MGAT4C: variants seen among roughly 807,000 people sequenced by gnomAD.
The protein encoded by MGAT4C is MGAT4 family member C.
In MGAT4C, 19 loss-of-function variants were observed where a neutral mutation model predicts 40.1. The ratio of observed to expected loss-of-function variants is 0.47; its 90% confidence interval spans 0.33 to 0.70. The LOEUF is 0.70. Among genes scored for constraint, MGAT4C ranks in the 30% least tolerant of loss-of-function variants. The probability of loss-of-function intolerance (pLI) is 0.02; values close to 1 mark genes in which losing one functional copy is unlikely to be tolerated. For missense variants in MGAT4C, 491 were observed against 563.2 expected (o/e 0.87, Z 1.30); for synonymous variants, 181 against 187.1 (o/e 0.97, Z 0.27).
At chr12:86,783,920 A>C (rs1416865945) in intron 1 of MGAT4C, among the ~76,000 whole-genome samples, 6 of 152,140 alleles carry the variant, frequency 3.9e-5, no homozygotes, top group African/African-American at 1.4e-4. Flanking sequence ...CTTCCTTATA[A>C]TACAGAAGGA....
At chr12:86,083,473 C>A (rs1871221693) in intron 1 of MGAT4C, among the ~76,000 whole-genome samples, 1 of 152,094 alleles carries the variant, frequency 6.6e-6, no homozygotes, top group Non-Finnish European at 1.5e-5. Flanking sequence ...CTGCCCCTCT[C>A]TACTGTCCTT....
At chr12:86,157,557 G>T (rs1566065947) in intron 1 of MGAT4C, among the ~76,000 whole-genome samples, 1 of 151,892 alleles carries the variant, frequency 6.6e-6, no homozygotes, top group East Asian at 1.9e-4. Context: ...TTATTAGTCA[G>T]TTTTTACACT....
intron 1 of MGAT4C, among the ~76,000 whole-genome samples, chr12:86,776,522 C>G (rs1288881164): frequency 6.6e-6 from 1 of 151,858 alleles, no homozygotes; most frequent in Admixed American, 6.6e-5. Context: ...AACTAAACAG[C>G]CTTTTGAGAG....
intron 1 of MGAT4C, among the ~76,000 whole-genome samples, chr12:86,814,555 A>G (rs998167579): frequency 2.6e-5 from 4 of 151,680 alleles, no homozygotes; most frequent in African/African-American, 9.7e-5. Flanking sequence ...ATTAATTCCA[A>G]TTCTCTTATA....
intron 1 of MGAT4C, among the ~76,000 whole-genome samples, chr12:86,754,921 G>A (rs1009549307): frequency 6.6e-6 from 1 of 151,866 alleles, no homozygotes; most frequent in Non-Finnish European, 1.5e-5. Flanking sequence ...TATTCAATCA[G>A]ACTTTAGTTT....
intron 3 of MGAT4C, among the ~76,000 whole-genome samples, chr12:86,417,183 G>A (rs968396311): frequency 2.6e-5 from 4 of 151,888 alleles, no homozygotes; most frequent in African/African-American, 9.7e-5. Flanking sequence ...AAATTGGTTG[G>A]TTTATGAGAT....
chr12:86,429,779 G>A (rs1375767137), intron 3 of MGAT4C, among the ~76,000 whole-genome samples: 1 of 152,064 alleles, frequency 6.6e-6, no homozygotes. Flanking sequence ...GAATTTGATT[G>A]AAGACCTTCA....
At position 86,374,131 on chromosome 12, in the gene MGAT4C, GC is replaced by G; in HGVS notation, c.-119-40005del. Among the ~76,000 whole-genome samples the G allele has an allele frequency of 1.3e-5, 2 of 151,964 alleles. 1 individual carries two copies. Among genetic ancestry groups the G allele is most frequent in the East Asian group, 3.9e-4 (2 of 5,190 alleles). On this transcript the variant is annotated intron_variant, in intron 3 of 7. Coordinates refer to the MGAT4C transcript ENST00000548651. ...GTGGAAAATGGTAGAAAAGTCATGA[GC>G]AAAAACAGACATGAAAAAAATGAGA...
At chr12:86,630,897 A>T (rs11614366) in intron 2 of MGAT4C, among the ~76,000 whole-genome samples, 20,377 of 152,102 alleles carry the variant, frequency 0.13, 2,151 homozygotes, top group African/African-American at 0.3. Flanking sequence ...TTGGAAGTTC[A>T]GGCCGGGGCA....
At chr12:86,469,316 A>G in intron 2 of MGAT4C, among the ~76,000 whole-genome samples, 1 of 152,174 alleles carries the variant, frequency 6.6e-6, no homozygotes, top group East Asian at 1.9e-4. Flanking sequence ...AATGAACAGA[A>G]TATGGCAAAA....
chr12:86,603,412 T>C (rs1468233073), intron 2 of MGAT4C, among the ~76,000 whole-genome samples: 1 of 122,148 alleles, frequency 8.2e-6, no homozygotes, highest in African/African-American at 3.2e-5. Flanking sequence ...TATATATTAG[T>C]ATATATAGTA....
intron 2 of MGAT4C, among the ~76,000 whole-genome samples, chr12:86,632,975 C>G (rs1963107907): frequency 6.6e-6 from 1 of 151,890 alleles, no homozygotes; most frequent in African/African-American, 2.4e-5. Context: ...AATATTTACA[C>G]ATAAAAAGTT....
chr12:86,422,526 G>T (rs1049503863), intron 3 of MGAT4C, among the ~76,000 whole-genome samples: 2 of 152,150 alleles, frequency 1.3e-5, no homozygotes, highest in African/African-American at 2.4e-5. Flanking sequence ...ATCTCTGGTT[G>T]TAAGAATGTG....
intron 2 of MGAT4C, among the ~76,000 whole-genome samples, chr12:86,635,377 A>G (rs1963187759): frequency 6.6e-6 from 1 of 152,096 alleles, no homozygotes; most frequent in Non-Finnish European, 1.5e-5. Flanking sequence ...TGGCCTGTTC[A>G]GTTAGTGCAA....
chr12:86,406,090 A>T (rs1210822013), intron 3 of MGAT4C, among the ~76,000 whole-genome samples: 1 of 146,830 alleles, frequency 6.8e-6, no homozygotes, highest in Non-Finnish European at 1.5e-5. Flanking sequence ...TAAAACTTTG[A>T]CTTAAGTTTC....
chr12:86,832,119 C>T (rs1952941506), intron 1 of MGAT4C, among the ~76,000 whole-genome samples: 1 of 151,684 alleles, frequency 6.6e-6, no homozygotes, highest in African/African-American at 2.4e-5. Context: ...CATCACTGAA[C>T]TTAAAAAGGA....
intron 2 of MGAT4C, among the ~76,000 whole-genome samples, chr12:86,012,748 G>A (rs969616684): frequency 5.9e-5 from 7 of 118,130 alleles, no homozygotes; most frequent in East Asian, 4.6e-4. Flanking sequence ...GAGAAACTCC[G>A]TCTCAAACAA....
intron 2 of MGAT4C, among the ~76,000 whole-genome samples, chr12:86,006,933 T>C (rs2136799233): frequency 6.6e-6 from 1 of 152,288 alleles, no homozygotes; most frequent in East Asian, 1.9e-4. Flanking sequence ...TTAGCCTCCA[T>C]GAAGTTCCTT....
chr12:86,581,249 A>T (rs1281975838), intron 2 of MGAT4C, among the ~76,000 whole-genome samples: 1 of 151,404 alleles, frequency 6.6e-6, no homozygotes, highest in Non-Finnish European at 1.5e-5. Flanking sequence ...CCACTACCTT[A>T]GTGGTTGTTG....
Sources: allele counts gnomAD v4.1 joint callset (sites outside exome capture counted in the v4.1 genomes callset), GRCh38; gene constraint gnomAD v4.1.1; transcripts MANE v1.5; gene names NCBI Gene and HGNC (gene_info 2026-07-23, HGNC 2026-07-21).